Variants in CLDND2 observed in about 807,000 individuals in gnomAD.
CLDND2 encodes claudin domain-containing protein 2.
CLDND2 carries 18 observed loss-of-function variants against 17.7 expected under a neutral mutation model. The observed-to-expected ratio is 1.02, with a 90% CI of 0.70 to 1.51. CLDND2 has a LOEUF of 1.51. Ranked by LOEUF, CLDND2 falls within the 40% of genes most tolerant of loss-of-function variation. CLDND2 has a pLI of 0.00. For missense variants in CLDND2, 233 were observed against 219.6 expected (o/e 1.06, Z -0.39); for synonymous variants, 113 against 93.0 (o/e 1.22, Z -1.24).
At position 51,367,861 on chromosome 19, in the gene CLDND2, C is replaced by T. The variant is rs747043981; in HGVS notation, c.310+25G>A. The T allele has an allele frequency of 3.6e-5, 57 of 1,605,398 alleles. No homozygotes were observed. The highest frequency in any genetic ancestry group is 1.7e-4 in the Middle Eastern group (1 of 6,054). Reference sequence around the variant, plus strand: ...CACCCAGGGCCCGCCCCTGCCTGCCCGCCTGGGGCGGTCTGCAGTCTCACC... The same window carrying T: ...CACCCAGGGCCCGCCCCTGCCTGCCTGCCTGGGGCGGTCTGCAGTCTCACC... On this transcript the variant is annotated intron_variant, in intron 2 of 3. Transcript: ENST00000291715. The surrounding 1 kb of genome is among the most constrained non-coding windows in gnomAD (Gnocchi z 7.4).
chr19:51,367,327 G>A lies in CLDND2; in HGVS notation c.431-112C>T, dbSNP rs548278507. Reference sequence around the variant, plus strand: ...CTCCAAGGGGGTCTCTGCCGGGTCTGCGGGAGTCGTTAGTGTGTTGGGGAG... The same window carrying A: ...CTCCAAGGGGGTCTCTGCCGGGTCTACGGGAGTCGTTAGTGTGTTGGGGAG... On this transcript the variant is annotated intron_variant, in intron 3 of 3. Coordinates refer to ENST00000291715, the MANE Select transcript of CLDND2 (RefSeq NM_152353.3). This position sits in a 1 kb window ranked among gnomAD's most constrained non-coding sequence, Gnocchi z 7.4. 1.9e-5 allele frequency: 26 copies of A among 1,387,880 alleles called. No homozygotes were observed. In the Middle Eastern group the frequency reaches 7.0e-4, roughly 37 times the overall value. 86.0% of individuals were successfully genotyped at this position (1,387,880 alleles called of 1,614,324 possible).
Position 51,368,589 on chromosome 19 carries a change from T to C in CLDND2, c.-12A>G. 2 of 1,609,972 alleles carry C rather than the reference T, an allele frequency of 1.2e-6. No homozygotes were observed. The highest frequency in any genetic ancestry group is 1.7e-6 in the Non-Finnish European group (2 of 1,178,644). ...CGCTTCACCCCCATGCCACTGAGGCTGCAGCCGGGGGCCACAAGGGCAGGA... is the reference window on the plus strand; with the variant it reads ...CGCTTCACCCCCATGCCACTGAGGCCGCAGCCGGGGGCCACAAGGGCAGGA... On this transcript the variant is annotated 5_prime_UTR_variant, in exon 1 of 4. Transcript: ENST00000291715.
At position 51,368,926 on chromosome 19, in the gene CLDND2, A is replaced by C; in HGVS notation, c.-349T>G. On this transcript the variant is annotated 5_prime_UTR_variant, in exon 1 of 4. Transcript: ENST00000291715. ...CCAGCCTGTTCAATGTCCTCCCCAG[A>C]CACCCCTCCACACAGGCCCACCTAA... 1 of 204,182 alleles carries C rather than the reference A, an allele frequency of 4.9e-6. No individual in the cohort carries two copies. The highest frequency in any genetic ancestry group is 1.0e-5 in the Non-Finnish European group (1 of 100,208). 12.6% of individuals were successfully genotyped at this position (204,182 alleles called of 1,614,324 possible).
rs1262743374 is a variant in CLDND2, at chr19:51,368,641, G to A, written c.-64C>T. ...GGGCCCAGGCCTTTCCTACCCCGAG[G>A]CCCCCAGCTGAGGAGCCCGCTTCCT... On this transcript the variant is annotated 5_prime_UTR_variant, in exon 1 of 4. Coordinates refer to ENST00000291715, the MANE Select transcript of CLDND2 (RefSeq NM_152353.3). 4 of 1,457,698 alleles carry A rather than the reference G, an allele frequency of 2.7e-6. No homozygotes were observed. The highest frequency in any genetic ancestry group is 2.5e-5 in the East Asian group (1 of 40,816). The allele number at this position is 1,457,698 out of a possible 1,614,324, so 90.3% of individuals were successfully genotyped here.
In CLDND2 at chr19:51,367,490, C is replaced by G; in HGVS notation, c.397G>C (p.Gly133Arg). 1.9e-6 allele frequency: 3 copies of G among 1,606,044 alleles called. No individual in the cohort carries two copies. The highest frequency in any genetic ancestry group is 2.6e-6 in the Non-Finnish European group (3 of 1,175,804). ...ATTGAGAAGGGTAAGGCCAGCCACC[C>G]AGAAAAATAGGACCAAGAGAAGAAG... is the stretch of plus-strand genomic sequence containing the variant. The part of the protein sequence containing the change: ...NVFFSWSYFS[G>R]WLALPFSILA... Residue 133 changes from glycine to arginine, a missense_variant, in exon 3 of 4, where the codon GGG (glycine) becomes CGG (arginine). Transcript: ENST00000291715. This position sits in a 1 kb window ranked among gnomAD's most constrained non-coding sequence, Gnocchi z 7.4.
chr19:51,367,859 C>T lies in CLDND2; in HGVS notation c.310+27G>A, dbSNP rs1397083951. On this transcript the variant is annotated intron_variant, in intron 2 of 3. Coordinates refer to ENST00000291715, the MANE Select transcript of CLDND2 (RefSeq NM_152353.3). This position sits in a 1 kb window ranked among gnomAD's most constrained non-coding sequence, Gnocchi z 7.4. ...ATCACCCAGGGCCCGCCCCTGCCTG[C>T]CCGCCTGGGGCGGTCTGCAGTCTCA... 1.4e-5 allele frequency: 22 copies of T among 1,604,662 alleles called. No homozygotes were observed. The highest frequency in any genetic ancestry group is 1.8e-5 in the Non-Finnish European group (21 of 1,178,408).
At position 51,367,844 on chromosome 19, in the gene CLDND2, G is replaced by T; in HGVS notation, c.310+42C>A. ...CGACCAGGCCCCTCCATCACCCAGG[G>T]CCCGCCCCTGCCTGCCCGCCTGGGG... On this transcript the variant is annotated intron_variant, in intron 2 of 3. Coordinates refer to ENST00000291715, the MANE Select transcript of CLDND2 (RefSeq NM_152353.3). The surrounding 1 kb of genome is among the most constrained non-coding windows in gnomAD (Gnocchi z 7.4). The T allele has an allele frequency of 1.3e-6, 2 of 1,596,684 alleles. No individual in the cohort carries two copies. Among genetic ancestry groups the T allele is most frequent in the Non-Finnish European group, 1.7e-6 (2 of 1,175,760 alleles).
Position 51,368,782 on chromosome 19 carries a change from C to G in CLDND2, c.-205G>C. The G allele has an allele frequency of 1.8e-6, 1 of 559,830 alleles. No homozygotes were observed. Among genetic ancestry groups the G allele is most frequent in the Non-Finnish European group, 3.2e-6 (1 of 314,398 alleles). 34.7% of individuals were successfully genotyped at this position (559,830 alleles called of 1,614,324 possible). A position where few individuals can be genotyped will look rare whatever the true frequency, so the allele number is the denominator to read the frequency against. The stretch of plus-strand genomic sequence containing the variant: ...CAACCTCCTCCCTCCAGACCTCGTT[C>G]CCCTTACTGGAGACCTTGAGACTTC... On this transcript the variant is annotated 5_prime_UTR_variant, in exon 1 of 4. Transcript: ENST00000291715.
At position 51,367,183 on chromosome 19, in the gene CLDND2, G is replaced by A. The variant is rs1223138752; in HGVS notation, c.463C>T (p.Gln155Ter). The change falls in exon 4 of 4, where the codon CAG becomes TAG. Residue 155 changes from glutamine to a stop codon, truncating the protein, a stop_gained. Coordinates refer to ENST00000291715, the MANE Select transcript of CLDND2 (RefSeq NM_152353.3). LOFTEE classifies it high-confidence loss of function. The surrounding 1 kb of genome is among the most constrained non-coding windows in gnomAD (Gnocchi z 7.4). ...AATCCACTGATGGCGTCGGTGCTCTGCATGATCATGTCTGCCAGCAGAAAG... is the reference window on the plus strand; with the variant it reads ...AATCCACTGATGGCGTCGGTGCTCTACATGATCATGTCTGCCAGCAGAAAG... Reference protein sequence around the residue: ...FCFLLADMIMQSTDAISGFPV... With the variant: ...FCFLLADMIM 1 of 1,614,112 alleles carries A rather than the reference G, an allele frequency of 6.2e-7. No individual in the cohort carries two copies. The highest frequency in any genetic ancestry group is 1.3e-5 in the African/African-American group (1 of 74,952).
Position 51,367,675 on chromosome 19 carries a change from C to T in CLDND2, c.311-99G>A. 1 of 1,507,638 alleles carries T rather than the reference C, an allele frequency of 6.6e-7. No individual in the cohort carries two copies. The highest frequency in any genetic ancestry group is 8.9e-7 in the Non-Finnish European group (1 of 1,127,490). The allele number at this position is 1,507,638 out of a possible 1,614,324, so 93.4% of individuals were successfully genotyped here. ...CCCGCCCCCTTCTATCAGACCACGC[C>T]TATCGCCTCTCAGCCCGCCCCTGGC... On this transcript the variant is annotated intron_variant, in intron 2 of 3. Transcript: ENST00000291715. This position sits in a 1 kb window ranked among gnomAD's most constrained non-coding sequence, Gnocchi z 7.4.
chr19:51,368,084 G>A (rs1341033273), intron 1 of CLDND2, 58 bp from the exon 2 acceptor site: 44 of 1,518,194 alleles, frequency 2.9e-5, no homozygotes, highest in Non-Finnish European at 3.7e-5. Context: ...TACGGGTTCG[G>A]CCGCAACCGG....
downstream of CLDND2, among the ~76,000 whole-genome samples, chr19:51,366,945 C>T (rs1344457517): frequency 6.6e-6 from 1 of 152,116 alleles, no homozygotes; most frequent in African/African-American, 2.4e-5. Context: ...TGTCCCTGTT[C>T]CCATCCCAAT....
downstream of CLDND2, chr19:51,366,953 A>G: frequency 1.6e-6 from 1 of 614,484 alleles, no homozygotes; most frequent in Non-Finnish European, 3.0e-6. Flanking sequence ...TTCCCATCCC[A>G]ATCCATGGAG....
At chr19:51,367,095 A>C, downstream of CLDND2, 1 of 1,583,708 alleles carries the variant, frequency 6.3e-7, no homozygotes, top group South Asian at 1.1e-5. This position sits in a 1 kb window ranked among gnomAD's most constrained non-coding sequence, Gnocchi z 7.4. Context: ...GCGGAGCCGC[A>C]GCGCTAAAAA....
intron 1 of CLDND2, 76 bp from the exon 2 acceptor site, chr19:51,368,102 C>T (rs1308720857): frequency 1.2e-5 from 18 of 1,451,020 alleles, no homozygotes; most frequent in Non-Finnish European, 1.7e-5. Context: ...CGGAAGCTCT[C>T]CCGTCTCCTG....
In CLDND2 at chr19:51,367,280, C is replaced by A; in HGVS notation, c.431-65G>T. On this transcript the variant is annotated intron_variant, in intron 3 of 3. Coordinates refer to ENST00000291715, the MANE Select transcript of CLDND2 (RefSeq NM_152353.3). This position sits in a 1 kb window ranked among gnomAD's most constrained non-coding sequence, Gnocchi z 7.4. ...GCCCTGGGGCGGATGGCCGGGAGGG[C>A]CCCGGGGACTGGGGTTTGGGGCTCC... The A allele has an allele frequency of 6.4e-7, 1 of 1,556,954 alleles. No individual in the cohort carries two copies. Among genetic ancestry groups the A allele is most frequent in the South Asian group, 1.1e-5 (1 of 89,684 alleles).
chr19:51,367,412 T>A lies in CLDND2; in HGVS notation c.430+45A>T. 2.6e-6 allele frequency: 4 copies of A among 1,552,690 alleles called. No individual in the cohort carries two copies. The highest frequency in any genetic ancestry group is 3.5e-6 in the Non-Finnish European group (4 of 1,139,322). ...AGCTGGGGAGCCTCTGGGGTGAGGG[T>A]CTTCTGGGCAGTCTCCTCCACCCTC... On this transcript the variant is annotated intron_variant, in intron 3 of 3. Transcript: ENST00000291715. This position sits in a 1 kb window ranked among gnomAD's most constrained non-coding sequence, Gnocchi z 7.4.
In CLDND2 at chr19:51,368,722, A is replaced by C. The variant is rs1599853582; in HGVS notation, c.-145T>G. ...GGTCCCTGCTTCTGGGGACCTGGAG[A>C]CCCCCCTCCCTCAACAACCCTGCCT... is the stretch of plus-strand genomic sequence containing the variant. On this transcript the variant is annotated 5_prime_UTR_variant, in exon 1 of 4. Coordinates refer to ENST00000291715, the MANE Select transcript of CLDND2 (RefSeq NM_152353.3). 1.5e-6 allele frequency: 1 copy of C among 670,212 alleles called. No homozygotes were observed. The highest frequency in any genetic ancestry group is 2.4e-6 in the Non-Finnish European group (1 of 408,502). The allele number at this position is 670,212 out of a possible 1,614,324, so 41.5% of individuals were successfully genotyped here. A position where few individuals can be genotyped will look rare whatever the true frequency, so the allele number is the denominator to read the frequency against.
At chr19:51,368,164 G>T in intron 1 of CLDND2, 138 bp from the exon 2 acceptor site, 1 of 1,030,080 alleles carries the variant, frequency 9.7e-7, no homozygotes. Flanking sequence ...CGGGAGTCAG[G>T]CGTTTGGATT....
Sources: allele counts gnomAD v4.1 joint callset (sites outside exome capture counted in the v4.1 genomes callset), GRCh38; gene constraint gnomAD v4.1.1; non-coding constraint Gnocchi (gnomAD v3.1); transcripts MANE v1.5; gene names NCBI Gene and HGNC (gene_info 2026-07-23, HGNC 2026-07-21).